Variants in EXT1 observed in about 807,000 individuals in gnomAD.
EXT1 encodes exostosin glycosyltransferase 1.
EXT1 carries 20 observed loss-of-function variants against 82.5 expected under a neutral mutation model. The observed-to-expected ratio is 0.24, with a 90% confidence interval of 0.17 to 0.35. The LOEUF is 0.35. Ranked by LOEUF, EXT1 falls within the 10% of genes least tolerant of loss-of-function variation. The pLI, the probability that EXT1 is intolerant of heterozygous loss-of-function variation, is 1.00. For missense variants in EXT1, 757 were observed against 936.5 expected (o/e 0.81, Z 2.50); for synonymous variants, 348 against 350.8 (o/e 0.99, Z 0.09).
At chr8:117,923,964 A>C (rs1256465709) in intron 1 of EXT1, among the ~76,000 whole-genome samples, 4 of 152,220 alleles carry the variant, frequency 2.6e-5, no homozygotes, top group Non-Finnish European at 5.9e-5. Context: ...CATCGTTGAT[A>C]TACTGAGAAT....
intron 1 of EXT1, among the ~76,000 whole-genome samples, chr8:118,056,207 T>C (rs1466045320): frequency 6.6e-6 from 1 of 152,240 alleles, no homozygotes; most frequent in African/African-American, 2.4e-5. Flanking sequence ...TCTAACACAA[T>C]GCTTCTCAAA....
At chr8:117,816,404 G>A (rs776328485) in intron 7 of EXT1, among the ~76,000 whole-genome samples, 24 of 152,122 alleles carry the variant, frequency 1.6e-4, no homozygotes, top group Non-Finnish European at 3.2e-4. Flanking sequence ...CTCAAAATGG[G>A]CCCATGTCAT....
intron 1 of EXT1, among the ~76,000 whole-genome samples, chr8:117,977,719 C>A (rs1440790891): frequency 1.3e-5 from 2 of 152,154 alleles, no homozygotes; most frequent in African/African-American, 4.8e-5. Context: ...CATTGCCTGG[C>A]CTGGCTATCT....
intron 1 of EXT1, among the ~76,000 whole-genome samples, chr8:118,069,385 A>G (rs996482387): frequency 6.6e-6 from 1 of 152,170 alleles, no homozygotes; most frequent in Non-Finnish European, 1.5e-5. Flanking sequence ...TACCCCGTCT[A>G]TTCCTCTTGC....
intron 1 of EXT1, among the ~76,000 whole-genome samples, chr8:118,049,166 C>G (rs1377957938): frequency 6.6e-6 from 1 of 152,126 alleles, no homozygotes; most frequent in Admixed American, 6.5e-5. Context: ...TCAATGGCTA[C>G]AAAATAAGCT....
At chr8:117,980,679 G>C (rs1487333863) in intron 1 of EXT1, among the ~76,000 whole-genome samples, 1 of 117,336 alleles carries the variant, frequency 8.5e-6, no homozygotes, top group Admixed American at 8.0e-5. Context: ...GGGAAGGTTT[G>C]TTTGTTCGGG....
intron 4 of EXT1, among the ~76,000 whole-genome samples, chr8:117,824,566 TCTCAGAA>T (rs1421732946): frequency 6.6e-6 from 1 of 152,186 alleles, no homozygotes; most frequent in Non-Finnish European, 1.5e-5. Context: ...TATAACAACG[TCTCAGAA>T]TTTAAGAATA....
At chr8:117,877,075 G>A (rs948465050) in intron 1 of EXT1, among the ~76,000 whole-genome samples, 1 of 152,158 alleles carries the variant, frequency 6.6e-6, no homozygotes, top group Non-Finnish European at 1.5e-5. Context: ...GATTAAACCA[G>A]CCCTAATGAC....
At chr8:117,834,450 C>T (rs1812151650) in intron 3 of EXT1, among the ~76,000 whole-genome samples, 1 of 152,000 alleles carries the variant, frequency 6.6e-6, no homozygotes, top group Non-Finnish European at 1.5e-5. Flanking sequence ...ACTACAAATA[C>T]AAAAATTAGC....
At chr8:117,820,454 T>G (rs529637652) in intron 5 of EXT1, among the ~76,000 whole-genome samples, 2 of 152,268 alleles carry the variant, frequency 1.3e-5, no homozygotes, top group Admixed American at 6.5e-5. Context: ...TTTGGGAGGC[T>G]GAGGCGGGCA....
Position 117,986,347 on chromosome 8 carries a change from G to A in EXT1, c.962+123738C>T, listed in dbSNP as rs558445730. Among the ~76,000 whole-genome samples, 44 of 152,002 alleles carry A rather than the reference G, an allele frequency of 2.9e-4. No individual in the cohort carries two copies. In the South Asian group the frequency reaches 6.4e-3, roughly 22 times the overall value. The stretch of plus-strand genomic sequence containing the variant: ...TGGGATTACAGGCATGCACCACCAC[G>A]CCTGGCTAAGTTTTTGTACTTTTAG... On this transcript the variant is annotated intron_variant, in intron 1 of 10. Coordinates refer to ENST00000378204, the MANE Select transcript of EXT1 (RefSeq NM_000127.3).
chr8:117,861,488 C>CTTTTTT (rs755653091), intron 1 of EXT1, among the ~76,000 whole-genome samples: 19 of 86,840 alleles, frequency 2.2e-4, no homozygotes, highest in East Asian at 3.8e-4. Flanking sequence ...AAGTTTTTAT[C>CTTTTTT]TTTTTTTTTT....
rs530018849 is a variant in EXT1, at chr8:117,831,260, C to T, written c.1165-911G>A. Among the ~76,000 whole-genome samples, 5 of 152,328 alleles carry T rather than the reference C, an allele frequency of 3.3e-5. No individual in the cohort carries two copies. The East Asian group carries it at 7.7e-4, about 24-fold the overall frequency. On this transcript the variant is annotated intron_variant, in intron 3 of 10. Transcript: ENST00000378204. ...GTTAGCTGATTTCTCAAAGACTCCA[C>T]TTCTTTACTTATAAAGTGGGGATAA...
intron 1 of EXT1, among the ~76,000 whole-genome samples, chr8:118,057,825 T>C (rs1816819297): frequency 6.6e-6 from 1 of 151,586 alleles, no homozygotes; most frequent in Non-Finnish European, 1.5e-5. Flanking sequence ...AATAAAAAAT[T>C]AGCCAGGCAC....
intron 1 of EXT1, among the ~76,000 whole-genome samples, chr8:118,030,286 C>A (rs1017375489): frequency 4.7e-5 from 7 of 150,340 alleles, no homozygotes; most frequent in African/African-American, 1.5e-4. Context: ...CTGGGCAGGG[C>A]TGACACAAGA....
At chr8:118,058,393 T>A (rs1816829285) in intron 1 of EXT1, among the ~76,000 whole-genome samples, 1 of 152,218 alleles carries the variant, frequency 6.6e-6, no homozygotes, top group Non-Finnish European at 1.5e-5. Context: ...GTATGTTTCC[T>A]TTTAATGCAA....
intron 1 of EXT1, among the ~76,000 whole-genome samples, chr8:118,050,122 G>A (rs541779719): frequency 1.3e-5 from 2 of 152,172 alleles, no homozygotes; most frequent in African/African-American, 4.8e-5. Flanking sequence ...ATAAAGGAAG[G>A]TAGAGAGAGA....
At chr8:117,859,164 A>AAG (rs1045210296) in intron 1 of EXT1, among the ~76,000 whole-genome samples, 15 of 152,328 alleles carry the variant, frequency 9.8e-5, no homozygotes, top group African/African-American at 3.6e-4. Context: ...AACCAGAAAA[A>AAG]ATCATGTGAT....
At chr8:117,986,062 T>C (rs960802043) in intron 1 of EXT1, among the ~76,000 whole-genome samples, 4 of 152,212 alleles carry the variant, frequency 2.6e-5, no homozygotes, top group African/African-American at 9.6e-5. Flanking sequence ...TCCTGAGTGT[T>C]AGGCAATTCC....
Sources: gnomAD v4.1 joint callset for allele counts (sites outside exome capture counted in the v4.1 genomes callset) on GRCh38, gnomAD v4.1.1 for gene constraint, MANE v1.5 for transcripts, NCBI Gene and HGNC (gene_info 2026-07-23, HGNC 2026-07-21) for gene names.